Variants in IPCEF1 observed in about 807,000 individuals in gnomAD.
IPCEF1 encodes interaction protein for cytohesin exchange factors 1, also known as interactor protein for cytohesin exchange factors 1.
In IPCEF1, 31 loss-of-function variants were observed where a neutral mutation model predicts 50.9. That is an observed-to-expected ratio of 0.61 (90% CI 0.46 to 0.82). IPCEF1 has a LOEUF of 0.82. Ranked by LOEUF, IPCEF1 falls within the 40% of genes least tolerant of loss-of-function variation. The probability of loss-of-function intolerance (pLI) is 0.00; values close to 1 mark genes in which losing one functional copy is unlikely to be tolerated. For synonymous variants in IPCEF1, 181 were observed against 192.0 expected, an observed-to-expected ratio of 0.94 and a Z score of 0.47; for missense variants, 458 against 514.0, an observed-to-expected ratio of 0.89 and a Z score of 1.05.
chr6:154,182,731 G>A (rs1046746335), intron 10 of IPCEF1, among the ~76,000 whole-genome samples: 2 of 152,096 alleles, frequency 1.3e-5, no homozygotes, highest in Non-Finnish European at 2.9e-5. Flanking sequence ...TCTAGGATAC[G>A]AATCCAATGC....
chr6:154,333,591 C>A (rs1053304910), intron 1 of IPCEF1, among the ~76,000 whole-genome samples: 1 of 150,296 alleles, frequency 6.7e-6, no homozygotes, highest in Non-Finnish European at 1.5e-5. Flanking sequence ...CATATATATA[C>A]ACATATATAT....
chr6:154,299,780 TG>T lies in IPCEF1; in HGVS notation c.-61-10025del, dbSNP rs1175416405. 3.6e-5 allele frequency among the ~76,000 whole-genome samples: 5 copies of T among 138,900 alleles called. 2 individuals are homozygous for T. The highest frequency in any genetic ancestry group is 4.8e-5 in the Non-Finnish European group (3 of 62,160). The allele number at this position is 138,900 out of a possible 152,430, so 91.1% of individuals were successfully genotyped here. A position where few individuals can be genotyped will look rare whatever the true frequency, so the allele number is the denominator to read the frequency against. The stretch of plus-strand genomic sequence containing the variant: ...ACGAAATAAAATAAAAAATTAAAGA[TG>T]GGTTGATGGATGGATAGAGGGATGG... On this transcript the variant is annotated intron_variant, in intron 1 of 11. Transcript: ENST00000367220.
chr6:154,214,747 A>C (rs1334742985), intron 7 of IPCEF1, among the ~76,000 whole-genome samples: 7 of 152,248 alleles, frequency 4.6e-5, no homozygotes, highest in African/African-American at 1.7e-4. Context: ...ATCAGTAAAA[A>C]AAATCTGGCT....
In IPCEF1 at chr6:154,184,557, G is replaced by A. The variant is rs376379184; in HGVS notation, c.910+15111C>T. On this transcript the variant is annotated intron_variant, in intron 10 of 11. Transcript: ENST00000367220. Reference sequence around the variant, plus strand: ...TATGTGTATGTATATATATATATGCGCATTGGTACATAGAAAAAATACACT... The same window carrying A: ...TATGTGTATGTATATATATATATGCACATTGGTACATAGAAAAAATACACT... 1.7e-3 allele frequency among the ~76,000 whole-genome samples: 259 copies of A among 151,908 alleles called. 1 individual carries two copies. Among genetic ancestry groups the A allele is most frequent in the East Asian group, 3.7e-3 (19 of 5,162 alleles).
At chr6:154,316,133 T>C (rs1783211859) in intron 1 of IPCEF1, among the ~76,000 whole-genome samples, 1 of 152,192 alleles carries the variant, frequency 6.6e-6, no homozygotes. Context: ...GGTGGAATTA[T>C]AGGCAAGAGC....
At chr6:154,252,118 G>C (rs1295328412) in intron 3 of IPCEF1, among the ~76,000 whole-genome samples, 1 of 152,152 alleles carries the variant, frequency 6.6e-6, no homozygotes, top group Non-Finnish European at 1.5e-5. Context: ...ATGTTGACTT[G>C]TCACTGTATA....
chr6:154,323,207 G>A (rs376208995), intron 1 of IPCEF1, among the ~76,000 whole-genome samples: 3 of 152,104 alleles, frequency 2.0e-5, no homozygotes, highest in East Asian at 3.9e-4. Flanking sequence ...GTGCACGAGG[G>A]ACTAGAAGTG....
intron 1 of IPCEF1, among the ~76,000 whole-genome samples, chr6:154,338,537 TAGAC>T (rs764793744): frequency 1.3e-5 from 2 of 152,300 alleles, no homozygotes; most frequent in Non-Finnish European, 2.9e-5. Flanking sequence ...ATGTATGAGT[TAGAC>T]AGTCAGATGC....
chr6:154,247,515 A>G (rs761673145), intron 3 of IPCEF1, 27 bp from the exon 4 acceptor site: 2 of 1,605,456 alleles, frequency 1.2e-6, no homozygotes, highest in Non-Finnish European at 1.7e-6. Context: ...GAAAGAAAAG[A>G]GGAAATTTCT....
intron 9 of IPCEF1, among the ~76,000 whole-genome samples, chr6:154,211,435 A>G (rs1183308805): frequency 2.6e-5 from 4 of 151,744 alleles, no homozygotes; most frequent in African/African-American, 9.7e-5. Flanking sequence ...AAAAAAAAGG[A>G]AAAGCATGTC....
At chr6:154,328,079 G>A (rs1011010314) in intron 1 of IPCEF1, among the ~76,000 whole-genome samples, 1 of 152,140 alleles carries the variant, frequency 6.6e-6, no homozygotes, top group African/African-American at 2.4e-5. Flanking sequence ...GGTGGTTGGG[G>A]GAGGGGGAGC....
At chr6:154,266,104 C>A in intron 2 of IPCEF1, 140 bp from the exon 3 acceptor site, 1 of 592,832 alleles carries the variant, frequency 1.7e-6, no homozygotes, top group Admixed American at 3.4e-5. Flanking sequence ...AATAGCCTTT[C>A]GGCCAGGCAT....
At chr6:154,343,943 C>T (rs952518384) in intron 1 of IPCEF1, among the ~76,000 whole-genome samples, 3 of 152,146 alleles carry the variant, frequency 2.0e-5, no homozygotes, top group Non-Finnish European at 2.9e-5. Flanking sequence ...CATATCCCCA[C>T]GTGTGTAGAA....
rs577057641 is a variant in IPCEF1 at position 154,190,339 on chromosome 6, A to T, written c.910+9329T>A. ...ACCAAAGAAAGTATATACAAAAATT[A>T]ATAAATTCTGAGCAGCCATCTTATG... On this transcript the variant is annotated intron_variant, in intron 10 of 11. Coordinates refer to ENST00000367220, the MANE Select transcript of IPCEF1 (RefSeq NM_001130700.2). Among the ~76,000 whole-genome samples, 14 of 152,384 alleles carry T rather than the reference A, an allele frequency of 9.2e-5. No homozygotes were observed. The East Asian group carries it at 2.3e-3, about 25-fold the overall frequency.
At chr6:154,207,422 G>A (rs1034574265) in intron 9 of IPCEF1, among the ~76,000 whole-genome samples, 2 of 152,098 alleles carry the variant, frequency 1.3e-5, no homozygotes, top group African/African-American at 4.8e-5. Context: ...TCCACTTGCA[G>A]TTCTGTTCTT....
chr6:154,253,502 A>G (rs2128647177), intron 3 of IPCEF1, among the ~76,000 whole-genome samples: 1 of 152,344 alleles, frequency 6.6e-6, no homozygotes, highest in African/African-American at 2.4e-5. Context: ...GTGAAGAAAA[A>G]TGCCACAATG....
intron 10 of IPCEF1, among the ~76,000 whole-genome samples, chr6:154,174,638 T>G (rs999893546): frequency 6.6e-6 from 1 of 152,176 alleles, no homozygotes; most frequent in African/African-American, 2.4e-5. Flanking sequence ...TAAATATATA[T>G]GCACCCAATA....
intron 2 of IPCEF1, among the ~76,000 whole-genome samples, chr6:154,271,082 G>C (rs971840972): frequency 5.3e-5 from 8 of 152,048 alleles, no homozygotes; most frequent in Non-Finnish European, 1.2e-4. Context: ...AATAGGACTT[G>C]GCACAGTGGC....
At position 154,159,660 on chromosome 6, in the gene IPCEF1, C is replaced by T. The variant is rs898209990; in HGVS notation, c.*168G>A. 1.6e-6 allele frequency: 1 copy of T among 628,354 alleles called. No homozygotes were observed. Among genetic ancestry groups the T allele is most frequent in the African/African-American group, 1.8e-5 (1 of 54,146 alleles). 38.9% of individuals were successfully genotyped at this position (628,354 alleles called of 1,614,324 possible). A position where few individuals can be genotyped will look rare whatever the true frequency, so the allele number is the denominator to read the frequency against. ...GATGCGTTACGACTGAAATGAGGAG[C>T]CCTGGTGTATTCGGTGATTATCTTC... On this transcript the variant is annotated 3_prime_UTR_variant, in exon 12 of 12. Coordinates refer to ENST00000367220, the MANE Select transcript of IPCEF1 (RefSeq NM_001130700.2).
Sources: gnomAD v4.1 joint callset for allele counts (sites outside exome capture counted in the v4.1 genomes callset) on GRCh38, gnomAD v4.1.1 for gene constraint, MANE v1.5 for transcripts, NCBI Gene and HGNC (gene_info 2026-07-23, HGNC 2026-07-21) for gene names.